Variants in WDFY3 observed in about 807,000 individuals in gnomAD.
The protein encoded by WDFY3 is WD repeat and FYVE domain containing 3.
Under a neutral mutation model 409.6 loss-of-function variants are expected in WDFY3, and 66 were observed. The observed-to-expected ratio is 0.16, with a 90% confidence interval of 0.13 to 0.20. WDFY3 has a LOEUF of 0.20. Among genes scored for constraint, WDFY3 ranks in the 10% least tolerant of loss-of-function variants. The probability of loss-of-function intolerance (pLI) is 1.00; values close to 1 mark genes in which losing one functional copy is unlikely to be tolerated. For missense variants in WDFY3, 3,031 were observed against 4,298.1 expected (o/e 0.71, Z 8.24); for synonymous variants, 1,521 against 1,537.1 (o/e 0.99, Z 0.25).
At chr4:84,954,984 C>T (rs1293266602) in intron 1 of WDFY3, among the ~76,000 whole-genome samples, 1 of 152,144 alleles carries the variant, frequency 6.6e-6, no homozygotes, top group Non-Finnish European at 1.5e-5. Flanking sequence ...GCAGGTGGAT[C>T]ACTTGAGCTC....
chr4:84,917,556 A>G (rs1768672222), intron 2 of WDFY3, among the ~76,000 whole-genome samples: 1 of 152,186 alleles, frequency 6.6e-6, no homozygotes, highest in Admixed American at 6.5e-5. Flanking sequence ...TTCAGGCTTT[A>G]CAATGTAAGA....
chr4:84,714,257 G>A (rs1733448751), intron 50 of WDFY3, among the ~76,000 whole-genome samples: 1 of 152,108 alleles, frequency 6.6e-6, no homozygotes, highest in Non-Finnish European at 1.5e-5. Flanking sequence ...TTACAGGCAT[G>A]TGCCACCATG....
Position 84,740,549 on chromosome 4 carries a change from G to C in WDFY3, c.6235-133C>G, listed in dbSNP as rs552875932. The C allele has an allele frequency of 1.0e-4, 79 of 770,080 alleles. 1 individual carries two copies. The highest frequency in any genetic ancestry group is 7.9e-4 in the Admixed American group (31 of 39,338). The allele number at this position is 770,080 out of a possible 1,614,324, so 47.7% of individuals were successfully genotyped here. On this transcript the variant is annotated intron_variant, in intron 38 of 67. Coordinates refer to ENST00000295888, the MANE Select transcript of WDFY3 (RefSeq NM_014991.6). ...TAAGTATGCAGGTGCTAAGTTAAAA[G>C]ATACAAAGCTCTTACTATTATGGAT... is the stretch of plus-strand genomic sequence containing the variant.
chr4:84,929,225 C>T (rs925411325), intron 2 of WDFY3, among the ~76,000 whole-genome samples: 8 of 152,074 alleles, frequency 5.3e-5, no homozygotes, highest in African/African-American at 1.9e-4. Context: ...GTTCAACAAT[C>T]AGTGAAGAAC....
intron 22 of WDFY3, 59 bp downstream of exon 22, chr4:84,789,667 A>C (rs1490059433): frequency 3.0e-6 from 4 of 1,346,180 alleles, no homozygotes; most frequent in Non-Finnish European, 4.1e-6. Flanking sequence ...ACACACACAC[A>C]CACCCCCCAA....
chr4:84,929,469 G>GCCC (rs371877964), intron 2 of WDFY3, among the ~76,000 whole-genome samples: 2 of 136,948 alleles, frequency 1.5e-5, no homozygotes, highest in African/African-American at 2.7e-5. Flanking sequence ...ATTGAATTGC[G>GCCC]CCCCCCCCCC....
At chr4:84,850,588 A>C (rs1239841598) in intron 4 of WDFY3, among the ~76,000 whole-genome samples, 4 of 152,180 alleles carry the variant, frequency 2.6e-5, no homozygotes, top group Non-Finnish European at 5.9e-5. Context: ...AAGTGCTGGG[A>C]TTACAGGCGT....
chr4:84,821,043 C>A (rs61732924), intron 11 of WDFY3, 41 bp downstream of exon 11: 33 of 1,501,424 alleles, frequency 2.2e-5, no homozygotes, highest in African/African-American at 8.4e-5. Flanking sequence ...CTGTTTTGAA[C>A]CCCTTTTCAA....
intron 2 of WDFY3, among the ~76,000 whole-genome samples, chr4:84,920,338 A>G (rs747497899): frequency 3.3e-5 from 5 of 152,100 alleles, no homozygotes. Context: ...GACTGCTAAT[A>G]TAAGAGATGA....
chr4:84,747,858 T>C (rs1739763742), intron 36 of WDFY3, among the ~76,000 whole-genome samples: 1 of 152,130 alleles, frequency 6.6e-6, no homozygotes, highest in African/African-American at 2.4e-5. Flanking sequence ...TATGAGTCAA[T>C]TAAACCTCTT....
At chr4:84,684,841 G>T (rs754836872) in intron 62 of WDFY3, among the ~76,000 whole-genome samples, 13 of 152,096 alleles carry the variant, frequency 8.5e-5, no homozygotes, top group Non-Finnish European at 1.6e-4. Flanking sequence ...TACCTAACCT[G>T]GTAAGAACAC....
intron 3 of WDFY3, among the ~76,000 whole-genome samples, chr4:84,885,785 G>T (rs1764139874): frequency 6.6e-6 from 1 of 152,198 alleles, no homozygotes; most frequent in Non-Finnish European, 1.5e-5. Context: ...CATGTGGACA[G>T]AAACTACACA....
Position 84,900,741 on chromosome 4 carries a change from C to G in WDFY3, c.-131-3731G>C, listed in dbSNP as rs983553006. On this transcript the variant is annotated intron_variant, in intron 2 of 67. Coordinates refer to ENST00000295888, the MANE Select transcript of WDFY3 (RefSeq NM_014991.6). ...AAGTTTTTTGGGTGATAAAATTGTCCTGTATCCTCACTGTGGTAGCAGTTA... is the reference window on the plus strand; with the variant it reads ...AAGTTTTTTGGGTGATAAAATTGTCGTGTATCCTCACTGTGGTAGCAGTTA... Among the ~76,000 whole-genome samples, 8 of 152,140 alleles carry G rather than the reference C, an allele frequency of 5.3e-5. 1 individual carries two copies. The highest frequency in any genetic ancestry group is 3.3e-4 in the Admixed American group (5 of 15,272).
chr4:84,741,592 G>C (rs1040105321), intron 38 of WDFY3, among the ~76,000 whole-genome samples, 169 bp downstream of exon 38: 1 of 152,098 alleles, frequency 6.6e-6, no homozygotes, highest in Admixed American at 6.6e-5. Context: ...TGATACTACA[G>C]GTGTGAGTCA....
At chr4:84,727,379 T>C (rs2149123957) in intron 44 of WDFY3, among the ~76,000 whole-genome samples, 1 of 152,296 alleles carries the variant, frequency 6.6e-6, no homozygotes. Flanking sequence ...AGCTATCATT[T>C]ACAATACTCC....
chr4:84,690,650 A>G lies in WDFY3; in HGVS notation c.9219T>C (p.Tyr3073=). The change falls in exon 61 of 68, where the codon TAT becomes TAC. Residue 3073 remains tyrosine (Y), a synonymous_variant. Coordinates refer to ENST00000295888, the MANE Select transcript of WDFY3 (RefSeq NM_014991.6). ...TCTGGCCCCACTCAGACAAGCATTCATAAACAGTCATGGCCTATAAAGTAA... is the reference window on the plus strand; with the variant it reads ...TCTGGCCCCACTCAGACAAGCATTCGTAAACAGTCATGGCCTATAAAGTAA... ...TYESDKAMTV[Y]ECLSEWGQIL... 6.2e-7 allele frequency: 1 copy of G among 1,613,580 alleles called. No individual in the cohort carries two copies.
intron 32 of WDFY3, 88 bp from the exon 33 acceptor site, chr4:84,757,249 G>A: frequency 8.4e-7 from 1 of 1,192,998 alleles, no homozygotes; most frequent in Non-Finnish European, 1.2e-6. Flanking sequence ...TTCAGTATGT[G>A]TTAACATTTC....
intron 4 of WDFY3, among the ~76,000 whole-genome samples, chr4:84,856,539 G>T (rs1759787670): frequency 1.3e-5 from 2 of 152,078 alleles, no homozygotes; most frequent in Admixed American, 1.3e-4. Flanking sequence ...TTCAGTTTGA[G>T]CAAATCAGTA....
At chr4:84,769,625 T>C (rs1371515037) in intron 30 of WDFY3, among the ~76,000 whole-genome samples, 1 of 152,090 alleles carries the variant, frequency 6.6e-6, no homozygotes, top group Non-Finnish European at 1.5e-5. Context: ...GGTTTCACCA[T>C]GTTAGCCAGG....
Sources: gnomAD v4.1 joint callset for allele counts (sites outside exome capture counted in the v4.1 genomes callset) on GRCh38, gnomAD v4.1.1 for gene constraint, MANE v1.5 for transcripts, NCBI Gene and HGNC (gene_info 2026-07-23, HGNC 2026-07-21) for gene names.